EXPH5: variants seen among roughly 807,000 people sequenced by gnomAD.
EXPH5 encodes the protein exophilin-5.
In EXPH5, 42 loss-of-function variants were observed where a neutral mutation model predicts 41.1. That is an observed-to-expected ratio of 1.02 (90% CI 0.80 to 1.32). EXPH5 has a LOEUF of 1.32. EXPH5 is among the 40% of genes most tolerant of loss of function. EXPH5 has a pLI of 0.00. For missense variants in EXPH5, 2,298 were observed against 2,314.5 expected, an observed-to-expected ratio of 0.99 and a Z score of 0.15; for synonymous variants, 798 against 833.5, an observed-to-expected ratio of 0.96 and a Z score of 0.73.
chr11:108,572,485 AT>A (rs1431042755), intron 1 of EXPH5, among the ~76,000 whole-genome samples: 2 of 152,214 alleles, frequency 1.3e-5, no homozygotes, highest in Admixed American at 1.3e-4. Flanking sequence ...GAGTGGAAAC[AT>A]TAAATTCACA....
intron 2 of EXPH5, among the ~76,000 whole-genome samples, chr11:108,540,847 C>A (rs1205356955): frequency 6.6e-6 from 1 of 152,164 alleles, no homozygotes; most frequent in Non-Finnish European, 1.5e-5. Flanking sequence ...CTTCCTCCCC[C>A]TGCATCATAG....
Position 108,507,050 on chromosome 11 carries a change from AT to A in EXPH5, c.*2486del. Reference sequence around the variant, plus strand: ...TAAATAGAAAAAGAGGAAAGGCAGAATTTACAAACATATATTAACCAAGAAA... The same window carrying A: ...TAAATAGAAAAAGAGGAAAGGCAGAATTACAAACATATATTAACCAAGAAA... On this transcript the variant is annotated 3_prime_UTR_variant, in exon 6 of 6. Coordinates refer to ENST00000265843, the MANE Select transcript of EXPH5 (RefSeq NM_015065.3). The A allele has an allele frequency of 6.6e-6, 1 of 152,238 alleles. No individual in the cohort carries two copies. The highest frequency in any genetic ancestry group is 2.4e-5 in the African/African-American group (1 of 41,570). The allele number at this position is 152,238 out of a possible 1,614,324, so 9.4% of individuals were successfully genotyped here. A position where few individuals can be genotyped will look rare whatever the true frequency, so the allele number is the denominator to read the frequency against.
At chr11:108,545,729 C>T (rs942279462) in intron 1 of EXPH5, among the ~76,000 whole-genome samples, 2 of 151,990 alleles carry the variant, frequency 1.3e-5, no homozygotes, top group African/African-American at 4.8e-5. Flanking sequence ...ATAGCGAAAA[C>T]CCACTTCTAC....
At chr11:108,559,164 G>T (rs574257213) in intron 1 of EXPH5, among the ~76,000 whole-genome samples, 4 of 152,252 alleles carry the variant, frequency 2.6e-5, no homozygotes, top group South Asian at 4.1e-4. Flanking sequence ...TCACTGGATT[G>T]TCAGCTCCCC....
intron 1 of EXPH5, among the ~76,000 whole-genome samples, chr11:108,563,647 G>A (rs561002597): frequency 1.3e-5 from 2 of 152,288 alleles, no homozygotes; most frequent in East Asian, 3.9e-4. Context: ...AACCATTCTA[G>A]TCAAGCAACA....
the EXPH5 span, among the ~76,000 whole-genome samples, chr11:108,605,865 G>A: frequency 2.0e-5 from 3 of 152,344 alleles, no homozygotes; most frequent in South Asian, 6.2e-4. Context: ...TGTGAGGCAG[G>A]ATTGCAGCAG....
rs2093678053 is a variant in EXPH5 at position 108,511,175 on chromosome 11, A to G, written c.4332T>C (p.Ser1444=). The part of the protein sequence containing the change: ...NIGNSQTRRS[S]WECTGSGRAI... ...CTCTACCACTCCCTGTACACTCCCA[A>G]GAACTTCTTCTAGTTTGGGAATTTC... The change falls in exon 6 of 6, where the codon TCT becomes TCC. Residue 1444 remains serine (S), a synonymous_variant. Coordinates refer to ENST00000265843, the MANE Select transcript of EXPH5 (RefSeq NM_015065.3). The G allele has an allele frequency of 1.2e-6, 2 of 1,613,140 alleles. No individual in the cohort carries two copies. The highest frequency in any genetic ancestry group is 1.3e-5 in the African/African-American group (1 of 74,972).
chr11:108,509,662 C>A lies in EXPH5; in HGVS notation c.5845G>T (p.Gly1949Cys). ...TTAAGCGGTTCACTTGGAGATAAGCCATCTTCTGGCACCTGACTACTGGGA... is the reference window on the plus strand; with the variant it reads ...TTAAGCGGTTCACTTGGAGATAAGCAATCTTCTGGCACCTGACTACTGGGA... The part of the protein sequence containing the change: ...NSPSSQVPED[G>C]LSPSEPLNIY... The change falls in exon 6 of 6, where the codon GGC (glycine) becomes TGC (cysteine). Residue 1949 changes from glycine to cysteine, a missense_variant. Transcript: ENST00000265843. The A allele has an allele frequency of 6.2e-7, 1 of 1,613,978 alleles. No individual in the cohort carries two copies. Among genetic ancestry groups the A allele is most frequent in the Non-Finnish European group, 8.5e-7 (1 of 1,179,976 alleles).
chr11:108,569,779 T>C (rs376160647), intron 1 of EXPH5, among the ~76,000 whole-genome samples: 1 of 152,112 alleles, frequency 6.6e-6, no homozygotes, highest in Non-Finnish European at 1.5e-5. Flanking sequence ...AGAAATGTTA[T>C]TGAATCATGA....
At chr11:108,519,626 T>C (rs530435905) in intron 4 of EXPH5, among the ~76,000 whole-genome samples, 1 of 152,080 alleles carries the variant, frequency 6.6e-6, no homozygotes, top group South Asian at 2.1e-4. Context: ...CGAGTGCCTG[T>C]AATCCCAGCT....
intron 4 of EXPH5, among the ~76,000 whole-genome samples, chr11:108,520,475 A>T (rs2093758049): frequency 6.6e-6 from 1 of 152,184 alleles, no homozygotes; most frequent in African/African-American, 2.4e-5. Context: ...AAATGGCTTT[A>T]AAAAAACCTA....
Position 108,513,989 on chromosome 11 carries a change from G to T in EXPH5, c.1518C>A (p.Asp506Glu). ...TTGCTTCCATGGAAATCATTTCAAA[G>T]TCTCTGTCAGAAGAACTGAATGATT... ...SRKSFSSSDR[D>E]FEMISMEANS... Residue 506 changes from aspartate (D) to glutamate (E), a missense_variant, in exon 6 of 6, where the codon GAC (aspartate) becomes GAA (glutamate). Asp to Glu is a conservative substitution (Grantham distance 45). Transcript: ENST00000265843. 6.2e-7 allele frequency: 1 copy of T among 1,612,324 alleles called. No homozygotes were observed. The highest frequency in any genetic ancestry group is 8.5e-7 in the Non-Finnish European group (1 of 1,179,334).
At position 108,513,597 on chromosome 11, in the gene EXPH5, T is replaced by C. The variant is rs751230603; in HGVS notation, c.1910A>G (p.Asp637Gly). 3 of 1,613,452 alleles carry C rather than the reference T, an allele frequency of 1.9e-6. No homozygotes were observed. Among genetic ancestry groups the C allele is most frequent in the South Asian group, 2.2e-5 (2 of 90,914 alleles). Residue 637 changes from aspartate to glycine, a missense_variant, in exon 6 of 6, where the codon GAC (aspartate) becomes GGC (glycine). Transcript: ENST00000265843. ...FKTSFSQISD[D>G]RRNPQSPNLQ... The stretch of plus-strand genomic sequence containing the variant: ...GTTGGGACTCTGAGGATTCCTTCTG[T>C]CATCAGAAATCTGGGAAAAGGAAGT...
chr11:108,508,529 A>ACAAAT lies in EXPH5; in HGVS notation c.*1007_*1008insATTTG, dbSNP rs1398648819. On this transcript the variant is annotated 3_prime_UTR_variant, in exon 6 of 6. Transcript: ENST00000265843. ...CTCCAAAAAACAAAAACAAAACAAA[A>ACAAAT]CCAAACAAAAAACAAAAACAAAAAA... The ACAAAT allele has an allele frequency of 6.6e-6, 1 of 152,484 alleles. No individual in the cohort carries two copies. 9.4% of individuals were successfully genotyped at this position (152,484 alleles called of 1,614,324 possible).
intron 1 of EXPH5, among the ~76,000 whole-genome samples, chr11:108,564,606 C>G (rs1250305219): frequency 6.6e-6 from 1 of 152,166 alleles, no homozygotes. Context: ...TTGTGCCCAT[C>G]TCTGATTAAT....
At chr11:108,526,589 TG>T in intron 4 of EXPH5, among the ~76,000 whole-genome samples, 1 of 152,298 alleles carries the variant, frequency 6.6e-6, no homozygotes, top group Non-Finnish European at 1.5e-5. Flanking sequence ...AGGGCAAAGC[TG>T]GATGGGGAGG....
intron 1 of EXPH5, among the ~76,000 whole-genome samples, chr11:108,589,406 C>G (rs914322019): frequency 6.6e-6 from 1 of 152,172 alleles, no homozygotes; most frequent in Non-Finnish European, 1.5e-5. Context: ...CAGCTATAGA[C>G]CACTTTATGA....
chr11:108,549,616 G>A (rs535049694), intron 1 of EXPH5, among the ~76,000 whole-genome samples: 6 of 152,184 alleles, frequency 3.9e-5, no homozygotes, highest in East Asian at 1.9e-4. Context: ...TTTATCTCCC[G>A]GTCATTGTGT....
intron 1 of EXPH5, among the ~76,000 whole-genome samples, chr11:108,582,529 A>AT (rs1046519176): frequency 6.6e-6 from 1 of 152,112 alleles, no homozygotes; most frequent in African/African-American, 2.4e-5. Flanking sequence ...ATGAACCCAG[A>AT]TTTTTTAAAA....
Sources: allele counts gnomAD v4.1 joint callset (sites outside exome capture counted in the v4.1 genomes callset), GRCh38; gene constraint gnomAD v4.1.1; transcripts MANE v1.5; gene names NCBI Gene and HGNC (gene_info 2026-07-23, HGNC 2026-07-21).